Variants in GFRA4 observed in about 807,000 individuals in gnomAD.
GFRA4 encodes GDNF family receptor alpha-4.
GFRA4 carries 31 observed loss-of-function variants against 28.5 expected under a neutral mutation model. The ratio of observed to expected loss-of-function variants is 1.09; its 90% CI spans 0.82 to 1.47. GFRA4 has a LOEUF of 1.47. GFRA4 is among the 40% of genes most tolerant of loss of function. GFRA4 has a pLI of 0.00. For synonymous variants in GFRA4, 188 were observed against 188.0 expected (o/e 1.00, Z 0.00); for missense variants, 389 against 413.2 (o/e 0.94, Z 0.51).
At position 3,659,586 on chromosome 20, in the gene GFRA4, G is replaced by A; in HGVS notation, c.*323C>T. 2.4e-6 allele frequency: 1 copy of A among 414,000 alleles called. No homozygotes were observed. The highest frequency in any genetic ancestry group is 4.4e-6 in the Non-Finnish European group (1 of 227,500). The allele number at this position is 414,000 out of a possible 1,614,324, so 25.6% of individuals were successfully genotyped here. On this transcript the variant is annotated 3_prime_UTR_variant, in exon 6 of 6. Coordinates refer to ENST00000290417, the MANE Select transcript of GFRA4 (RefSeq NM_022139.4). ...TCTAGGGGATCTGGGTCTCCAGAGA[G>A]GTCTCAGCTACAAAAGTGACCCTCT...
At chr20:3,661,891 C>G (rs1261026499) in intron 1 of GFRA4, among the ~76,000 whole-genome samples, 2 of 152,164 alleles carry the variant, frequency 1.3e-5, no homozygotes, top group African/African-American at 2.4e-5. Flanking sequence ...ATGGGTGTCT[C>G]CCCTCTCCAG....
intron 1 of GFRA4, among the ~76,000 whole-genome samples, chr20:3,662,015 C>A (rs1028064154): frequency 6.6e-6 from 1 of 152,182 alleles, no homozygotes; most frequent in African/African-American, 2.4e-5. Context: ...AGAGCTCTGG[C>A]CACTGAAGAA....
Position 3,660,957 on chromosome 20 carries a change from T to C in GFRA4, c.379A>G (p.Ser127Gly). 4 of 1,387,320 alleles carry C rather than the reference T, an allele frequency of 2.9e-6. No homozygotes were observed. The highest frequency in any genetic ancestry group is 3.7e-6 in the Non-Finnish European group (4 of 1,077,616). The allele number at this position is 1,387,320 out of a possible 1,614,324, so 85.9% of individuals were successfully genotyped here. ...GCCCGCGCGCACCTGCAGACCCGGC[T>C]GCGCTCGCAGAAGTTTAAGGGCTCA... ...CLEPLNFCER[S>G]RVCRPRLLAF... The change falls in exon 2 of 6, where the codon AGC (serine) becomes GGC (glycine). Residue 127 changes from serine (S) to glycine (G), a missense_variant. By Grantham distance (56) the Ser-to-Gly change is moderately conservative. Coordinates refer to ENST00000290417, the MANE Select transcript of GFRA4 (RefSeq NM_022139.4).
chr20:3,660,028 C>T (rs926542542), intron 5 of GFRA4, 39 bp from the exon 6 acceptor site: 111 of 1,534,078 alleles, frequency 7.2e-5, no homozygotes, highest in Non-Finnish European at 9.3e-5. Context: ...GAGGCAAAAG[C>T]CTGTCTCTGC....
rs2087191864 is a variant in GFRA4 at position 3,659,295 on chromosome 20, A to G, written c.*614T>C. On this transcript the variant is annotated 3_prime_UTR_variant, in exon 6 of 6. Coordinates refer to ENST00000290417, the MANE Select transcript of GFRA4 (RefSeq NM_022139.4). The stretch of plus-strand genomic sequence containing the variant: ...AATAAGCACTGTATGTTATTCCTAC[A>G]GCTGCAGGAAACCAGGGGGAAGATG... The G allele has an allele frequency of 6.4e-6, 1 of 157,272 alleles. No homozygotes were observed. Among genetic ancestry groups the G allele is most frequent in the African/African-American group, 2.4e-5 (1 of 41,472 alleles). 9.7% of individuals were successfully genotyped at this position (157,272 alleles called of 1,614,324 possible).
intron 5 of GFRA4, 50 bp from the exon 6 acceptor site, chr20:3,660,039 C>T (rs1263957208): frequency 3.3e-6 from 5 of 1,525,854 alleles, no homozygotes; most frequent in Non-Finnish European, 3.5e-6. Context: ...CTGTCTCTGC[C>T]CTCTGCCTGC....
chr20:3,661,207 G>T lies in GFRA4; in HGVS notation c.129C>A (p.Arg43=), dbSNP rs1390041234. 6 of 1,498,022 alleles carry T rather than the reference G, an allele frequency of 4.0e-6. No individual in the cohort carries two copies. The Admixed American group carries it at 8.6e-5, about 22-fold the overall frequency. The allele number at this position is 1,498,022 out of a possible 1,614,324, so 92.8% of individuals were successfully genotyped here. A position where few individuals can be genotyped will look rare whatever the true frequency, so the allele number is the denominator to read the frequency against. ...CCAGGCACTGCGCCACATACTCGGA[G>T]CGCAAACGCTGGCACCGCGCGTCCG... ...CTADARCQRL[R]SEYVAQCLGR... The change falls in exon 2 of 6, where the codon CGC becomes CGA. Residue 43 remains arginine (R), a synonymous_variant. Transcript: ENST00000290417.
At position 3,660,876 on chromosome 20, in the gene GFRA4, G is replaced by T; in HGVS notation, c.393-12C>A. On this transcript the variant is annotated splice_polypyrimidine_tract_variant and intron_variant, in intron 2 of 5. Transcript: ENST00000290417. ...CCAGGAGGCGAGGCCTGCGCGGCGGGAGGGCGGTGAGCCGGAGAGAGGCCC... is the reference window on the plus strand; with the variant it reads ...CCAGGAGGCGAGGCCTGCGCGGCGGTAGGGCGGTGAGCCGGAGAGAGGCCC... 1.4e-6 allele frequency: 2 copies of T among 1,404,472 alleles called. No homozygotes were observed. Among genetic ancestry groups the T allele is most frequent in the Admixed American group, 3.5e-5 (1 of 28,948 alleles). 87.0% of individuals were successfully genotyped at this position (1,404,472 alleles called of 1,614,324 possible).
At position 3,660,838 on chromosome 20, in the gene GFRA4, G is replaced by A. The variant is rs1233674640; in HGVS notation, c.419C>T (p.Ser140Leu). ...GGGGGCGCTGGGCGCTGGGGTGCAC[G>A]AGACCTGAAAGGCCAGGAGGCGAGG... ...CRPRLLAFQVSCTPAPSAPDG... is the reference protein window; with the variant it reads ...CRPRLLAFQVLCTPAPSAPDG... Residue 140 changes from serine to leucine, a missense_variant, in exon 3 of 6, where the codon TCG becomes TTG. Transcript: ENST00000290417. 2.1e-6 allele frequency: 3 copies of A among 1,428,460 alleles called. No homozygotes were observed. The highest frequency in any genetic ancestry group is 2.7e-6 in the Non-Finnish European group (3 of 1,103,170). 88.5% of individuals were successfully genotyped at this position (1,428,460 alleles called of 1,614,324 possible).
Position 3,660,258 on chromosome 20 carries a change from G to A in GFRA4, c.638-9C>T. The A allele has an allele frequency of 6.3e-7, 1 of 1,599,502 alleles. No individual in the cohort carries two copies. The highest frequency in any genetic ancestry group is 8.5e-7 in the Non-Finnish European group (1 of 1,172,920). On this transcript the variant is annotated splice_polypyrimidine_tract_variant and intron_variant, in intron 4 of 5. Transcript: ENST00000290417. ...GGCCTGAATGGCACCATCTATGGAG[G>A]GAGGGGTCCAGGGTGGACTTAGCTG...
chr20:3,661,286 G>A lies in GFRA4; in HGVS notation c.50C>T (p.Ser17Leu), dbSNP rs1486566982. Residue 17 changes from serine (S) to leucine (L), a missense_variant, in exon 2 of 6, where the codon TCG becomes TTG. Transcript: ENST00000290417. ...TCGGTTCCCTCCGACCGAGCTCGCC[G>A]ACCCTGGGAAAGGCGCGGGGAGGCT... ...PALLLLLLLG[S>L]ASSVGGNRCV... is the part of the protein sequence containing the mutation. 12 of 1,463,586 alleles carry A rather than the reference G, an allele frequency of 8.2e-6. No homozygotes were observed. Among genetic ancestry groups the A allele is most frequent in the African/African-American group, 1.5e-5 (1 of 67,918 alleles). 90.7% of individuals were successfully genotyped at this position (1,463,586 alleles called of 1,614,324 possible).
In GFRA4 at chr20:3,660,363, G is replaced by A. The variant is rs945410983; in HGVS notation, c.638-114C>T. The A allele has an allele frequency of 6.5e-6, 7 of 1,075,544 alleles. No homozygotes were observed. In the African/African-American group the frequency reaches 1.1e-4, roughly 17 times the overall value. The allele number at this position is 1,075,544 out of a possible 1,614,324, so 66.6% of individuals were successfully genotyped here. A position where few individuals can be genotyped will look rare whatever the true frequency, so the allele number is the denominator to read the frequency against. ...CAAAGACTGGCTCCTTGGACAGAAG[G>A]TGTGTGGTGAGGAATAACAAAATAA... On this transcript the variant is annotated intron_variant, in intron 4 of 5. Transcript: ENST00000290417.
chr20:3,662,029 A>G (rs950769625), intron 1 of GFRA4, among the ~76,000 whole-genome samples: 2 of 152,108 alleles, frequency 1.3e-5, no homozygotes, highest in African/African-American at 4.8e-5. Context: ...TGAAGAACCC[A>G]CTGAGTCCTG....
chr20:3,660,370 G>T, intron 4 of GFRA4, 121 bp from the exon 5 acceptor site: 1 of 1,061,460 alleles, frequency 9.4e-7, no homozygotes, highest in African/African-American at 1.6e-5. Context: ...AAGGTGTGTG[G>T]TGAGGAATAA....
intron 1 of GFRA4, 33 bp from the exon 2 acceptor site, chr20:3,661,322 G>A (rs910533573): frequency 4.9e-6 from 7 of 1,418,354 alleles, no homozygotes; most frequent in Non-Finnish European, 6.4e-6. Context: ...GCAGGTCTCA[G>A]TGCGCCCCGC....
chr20:3,660,667 G>T lies in GFRA4; in HGVS notation c.503-7C>A. 6.5e-7 allele frequency: 1 copy of T among 1,544,080 alleles called. No homozygotes were observed. The highest frequency in any genetic ancestry group is 1.4e-5 in the African/African-American group (1 of 72,910). On this transcript the variant is annotated splice_region_variant and splice_polypyrimidine_tract_variant and intron_variant, in intron 3 of 5. Coordinates refer to ENST00000290417, the MANE Select transcript of GFRA4 (RefSeq NM_022139.4). ...TTAGGGGTGACGGCGGTGCCTGCGG[G>T]GACCCTGAGGGCGAAGTCATCGGCC...
chr20:3,663,339 G>C lies in GFRA4; in HGVS notation c.46+15C>G. The C allele has an allele frequency of 6.2e-7, 1 of 1,608,708 alleles. No individual in the cohort carries two copies. Among genetic ancestry groups the C allele is most frequent in the Non-Finnish European group, 8.5e-7 (1 of 1,178,304 alleles). ...GGCCAGGGTTCGGGGTCCAGGGGAA[G>C]AGAGGGGCGCTCACCCAGTAACAGC... is the stretch of plus-strand genomic sequence containing the variant. On this transcript the variant is annotated intron_variant, in intron 1 of 5. Transcript: ENST00000290417.
Position 3,663,369 on chromosome 20 carries a change from G to T in GFRA4, c.31C>A (p.Leu11Met), listed in dbSNP as rs2087243235. 3 of 1,611,170 alleles carry T rather than the reference G, an allele frequency of 1.9e-6. No individual in the cohort carries two copies. The East Asian group carries it at 6.7e-5, about 36-fold the overall frequency. MVRCLGPALL[L>M]LLLLGSASSV... ...GGGCGCTCACCCAGTAACAGCAGCA[G>T]CAGCAGCGCAGGCCCCAGGCAGCGG... Residue 11 changes from leucine to methionine, a missense_variant, in exon 1 of 6, where the codon CTG becomes ATG. Leu to Met is a conservative substitution (Grantham distance 15). Coordinates refer to ENST00000290417, the MANE Select transcript of GFRA4 (RefSeq NM_022139.4).
intron 1 of GFRA4, among the ~76,000 whole-genome samples, chr20:3,662,926 G>A (rs1221663082): frequency 6.6e-6 from 1 of 152,104 alleles, no homozygotes; most frequent in African/African-American, 2.4e-5. Flanking sequence ...CACTACACTC[G>A]GTAAAGTGAC....
Sources: allele counts gnomAD v4.1 joint callset (sites outside exome capture counted in the v4.1 genomes callset), GRCh38; gene constraint gnomAD v4.1.1; transcripts MANE v1.5; gene names NCBI Gene and HGNC (gene_info 2026-07-23, HGNC 2026-07-21).